The following TCERG1L variants were observed in gnomAD, a reference collection of about 807,000 sequenced individuals.
TCERG1L encodes the protein transcription elongation regulator 1 like.
Under a neutral mutation model 56.3 loss-of-function variants are expected in TCERG1L, and 37 were observed. The observed-to-expected ratio is 0.66, with a 90% CI of 0.51 to 0.87. The LOEUF (loss-of-function observed/expected upper bound fraction) is 0.87, where lower values mean the gene tolerates loss of function less well. TCERG1L is among the 40% of genes least tolerant of loss of function. TCERG1L has a pLI of 0.00. For synonymous variants in TCERG1L, 324 were observed against 326.3 expected (o/e 0.99, Z 0.08); for missense variants, 799 against 774.2 (o/e 1.03, Z -0.38).
At chr10:131,185,897 A>G (rs996135095) in intron 4 of TCERG1L, among the ~76,000 whole-genome samples, 1 of 152,236 alleles carries the variant, frequency 6.6e-6, no homozygotes, top group Non-Finnish European at 1.5e-5. Context: ...TCAGATCAAT[A>G]CTTTTAAACA....
Position 131,157,078 on chromosome 10 carries a change from C to A in TCERG1L, c.1034+6044G>T, listed in dbSNP as rs61144164. On this transcript the variant is annotated intron_variant, in intron 6 of 11. Transcript: ENST00000368642. Reference sequence around the variant, plus strand: ...CACACCTACTAACATCAGAGGAATGCACCGTACTCATTTTGATAATCCGCC... The same window carrying A: ...CACACCTACTAACATCAGAGGAATGAACCGTACTCATTTTGATAATCCGCC... Among the ~76,000 whole-genome samples the A allele has an allele frequency of 2.4e-3, 365 of 152,278 alleles. 2 individuals carry two copies. The South Asian group carries it at 0.028, about 12-fold the overall frequency.
chr10:131,287,561 T>TGGCA (rs1293264933), intron 3 of TCERG1L, among the ~76,000 whole-genome samples: 10 of 152,184 alleles, frequency 6.6e-5, no homozygotes, highest in African/African-American at 2.2e-4. Flanking sequence ...TTTATATAAA[T>TGGCA]GGCACCTTGA....
chr10:131,242,775 G>A (rs1416665231), intron 4 of TCERG1L, among the ~76,000 whole-genome samples: 1 of 152,224 alleles, frequency 6.6e-6, no homozygotes, highest in Non-Finnish European at 1.5e-5. Flanking sequence ...CCTTCTGGAT[G>A]AGGATGCTGC....
rs947747703 is a variant in TCERG1L at position 131,118,068 on chromosome 10, G to C, written c.1260-1134C>G. On this transcript the variant is annotated intron_variant, in intron 8 of 11. Transcript: ENST00000368642. This position sits in a 1 kb window ranked among gnomAD's most constrained non-coding sequence, Gnocchi z 4.2. The stretch of plus-strand genomic sequence containing the variant: ...GGCGCACCCTCACTCTGACCATGCT[G>C]AGCCCTCGTGGGCCTGCTCCCTGGC... Among the ~76,000 whole-genome samples, 1 of 152,128 alleles carries C rather than the reference G, an allele frequency of 6.6e-6. No individual in the cohort carries two copies. The highest frequency in any genetic ancestry group is 2.4e-5 in the African/African-American group (1 of 41,454).
intron 7 of TCERG1L, among the ~76,000 whole-genome samples, chr10:131,142,356 TG>T (rs762712699): frequency 1.3e-5 from 2 of 152,208 alleles, no homozygotes; most frequent in Non-Finnish European, 2.9e-5. Flanking sequence ...CCTGGGCCCC[TG>T]GTGAGATAGA....
chr10:131,257,429 T>C (rs1846184603), intron 4 of TCERG1L, among the ~76,000 whole-genome samples: 1 of 152,210 alleles, frequency 6.6e-6, no homozygotes, highest in African/African-American at 2.4e-5. Flanking sequence ...GTAAGCTAAA[T>C]CTAGTGCAAG....
intron 10 of TCERG1L, among the ~76,000 whole-genome samples, chr10:131,101,379 A>G (rs577103668): frequency 6.6e-6 from 1 of 152,360 alleles, no homozygotes; most frequent in Non-Finnish European, 1.5e-5. Context: ...GCTTGATCAT[A>G]AGTTGGAATT....
At chr10:131,214,124 T>C (rs1308630907) in intron 4 of TCERG1L, among the ~76,000 whole-genome samples, 1 of 152,166 alleles carries the variant, frequency 6.6e-6, no homozygotes, top group Non-Finnish European at 1.5e-5. Context: ...TTGAAGAATG[T>C]AGAAATGCAC....
chr10:131,109,767 C>T (rs1010293238), intron 9 of TCERG1L, among the ~76,000 whole-genome samples: 41 of 152,296 alleles, frequency 2.7e-4, no homozygotes, highest in African/African-American at 8.4e-4. Flanking sequence ...TCCCTGGGCA[C>T]GCCGGCTGGA....
intron 5 of TCERG1L, chr10:131,164,126 TA>T (rs11327805): frequency 0.26 from 24,025 of 93,090 alleles, 2,390 homozygotes; most frequent in East Asian, 0.5. Context: ...GACTCTGTCT[TA>T]AAAAAAAAAA....
intron 4 of TCERG1L, among the ~76,000 whole-genome samples, chr10:131,175,605 T>C (rs918249939): frequency 1.3e-5 from 2 of 152,172 alleles, no homozygotes; most frequent in African/African-American, 4.8e-5. Context: ...TGATGGTGAG[T>C]CCCACGCAAT....
At chr10:131,223,012 G>A (rs1362968694) in intron 4 of TCERG1L, among the ~76,000 whole-genome samples, 2 of 152,212 alleles carry the variant, frequency 1.3e-5, no homozygotes, top group African/African-American at 4.8e-5. Context: ...ATCCCTGATG[G>A]TGACTTTTCC....
chr10:131,283,857 G>A (rs1846490995), intron 3 of TCERG1L, among the ~76,000 whole-genome samples: 1 of 152,076 alleles, frequency 6.6e-6, no homozygotes, highest in African/African-American at 2.4e-5. Flanking sequence ...AAAACTGGCT[G>A]GGCACAGTGG....
At chr10:131,147,112 G>A (rs1011854813) in intron 6 of TCERG1L, among the ~76,000 whole-genome samples, 3 of 152,120 alleles carry the variant, frequency 2.0e-5, no homozygotes, top group East Asian at 1.9e-4. Flanking sequence ...AATGCGCACG[G>A]CCACAGGTCA....
chr10:131,193,284 G>A (rs1473649416), intron 4 of TCERG1L, among the ~76,000 whole-genome samples: 2 of 152,086 alleles, frequency 1.3e-5, no homozygotes, highest in African/African-American at 4.8e-5. Context: ...AATCATTTGC[G>A]AATACTTTCC....
rs761953296 is a variant in TCERG1L at position 131,146,567 on chromosome 10, G to T, written c.1128C>A (p.Arg376=). ...VWEKPMDLKD[R]GDLNRIIEDP... is the part of the protein sequence containing the mutation. ...CCTCAATGATCCTGTTGAGGTCTCC[G>T]CGGTCCTTCAGGTCCATGGGCTTCT... is the stretch of plus-strand genomic sequence containing the variant. Residue 376 remains arginine (R), a synonymous_variant, in exon 7 of 12, where the codon CGC becomes CGA. Transcript: ENST00000368642. 3.7e-6 allele frequency: 6 copies of T among 1,613,804 alleles called. No homozygotes were observed. In the African/African-American group the frequency reaches 5.3e-5, roughly 14 times the overall value.
At chr10:131,261,231 C>G (rs1345552692) in intron 3 of TCERG1L, among the ~76,000 whole-genome samples, 1 of 152,220 alleles carries the variant, frequency 6.6e-6, no homozygotes, top group Non-Finnish European at 1.5e-5. Context: ...TTAAAAGACT[C>G]CTCAGTTTCC....
At chr10:131,269,180 C>G (rs201279338) in intron 3 of TCERG1L, among the ~76,000 whole-genome samples, 4 of 43,130 alleles carry the variant, frequency 9.3e-5, no homozygotes, top group African/African-American at 2.4e-4. Context: ...GATACAATTT[C>G]TATTTGTTTG....
In TCERG1L at chr10:131,142,678, C is replaced by T. The variant is rs547637993; in HGVS notation, c.1189+3828G>A. Among the ~76,000 whole-genome samples, 23 of 152,272 alleles carry T rather than the reference C, an allele frequency of 1.5e-4. No homozygotes were observed. In the South Asian group the frequency reaches 1.7e-3, roughly 11 times the overall value. On this transcript the variant is annotated intron_variant, in intron 7 of 11. Coordinates refer to ENST00000368642, the MANE Select transcript of TCERG1L (RefSeq NM_174937.4). The stretch of plus-strand genomic sequence containing the variant: ...CTGCCCTCAGGTCTGGCATCAGACC[C>T]GCCGGGGTGCAAATCCCCATTCCCC...
Sources: allele counts gnomAD v4.1 joint callset (sites outside exome capture counted in the v4.1 genomes callset), GRCh38; gene constraint gnomAD v4.1.1; non-coding constraint Gnocchi (gnomAD v3.1); transcripts MANE v1.5; gene names NCBI Gene and HGNC (gene_info 2026-07-23, HGNC 2026-07-21).